Variants in SAMD12 observed in about 807,000 individuals in gnomAD.
SAMD12 encodes the protein sterile alpha motif domain containing 12.
SAMD12 carries 9 observed loss-of-function variants against 15.0 expected under a neutral mutation model. That is an observed-to-expected ratio of 0.60 (90% CI 0.36 to 1.05). SAMD12 has a LOEUF of 1.05. Ranked by LOEUF, SAMD12 falls within the 50% of genes least tolerant of loss-of-function variation. The pLI, the probability that SAMD12 is intolerant of heterozygous loss-of-function variation, is 0.01. For synonymous variants in SAMD12, 86 were observed against 90.1 expected (o/e 0.96, Z 0.25); for missense variants, 230 against 234.2 (o/e 0.98, Z 0.12).
chr8:118,571,104 T>C (rs1019056385), intron 2 of SAMD12, among the ~76,000 whole-genome samples: 1 of 152,198 alleles, frequency 6.6e-6, no homozygotes, highest in Non-Finnish European at 1.5e-5. Context: ...AACTGTATTG[T>C]ATAAATACAA....
At chr8:118,595,475 G>A (rs911547010) in intron 1 of SAMD12, among the ~76,000 whole-genome samples, 10 of 152,098 alleles carry the variant, frequency 6.6e-5, no homozygotes, top group African/African-American at 2.4e-4. Flanking sequence ...TTAAAACATT[G>A]TAAACACCAA....
At chr8:118,149,701 T>C in the SAMD12 span, among the ~76,000 whole-genome samples, 1 of 152,172 alleles carries the variant, frequency 6.6e-6, no homozygotes, top group Admixed American at 6.5e-5. Context: ...GTTTTTATAG[T>C]TTTAAGTTCT....
chr8:118,341,889 C>A (rs553228930), intron 4 of SAMD12, among the ~76,000 whole-genome samples: 1 of 152,340 alleles, frequency 6.6e-6, no homozygotes, highest in South Asian at 2.1e-4. Flanking sequence ...GCAACTAATT[C>A]AAATTTTCTG....
At chr8:118,269,223 T>G (rs1813283263) in intron 4 of SAMD12, among the ~76,000 whole-genome samples, 1 of 45,022 alleles carries the variant, frequency 2.2e-5, no homozygotes. Context: ...TCTCTCTCTG[T>G]GTGTGTGTGT....
At chr8:118,379,819 T>TA (rs1819582563) in intron 3 of SAMD12, 119 bp from the exon 4 acceptor site, 2 of 1,248,370 alleles carry the variant, frequency 1.6e-6, no homozygotes, top group South Asian at 3.1e-5. Flanking sequence ...ACAGACATTT[T>TA]AGAATAAAGG....
chr8:118,598,282 G>A (rs1215646085), intron 1 of SAMD12, among the ~76,000 whole-genome samples: 3 of 152,174 alleles, frequency 2.0e-5, no homozygotes, highest in Non-Finnish European at 2.9e-5. Flanking sequence ...TTTGGAGAGA[G>A]GGCCTTTAAA....
chr8:118,200,108 C>T (rs574422863), intron 4 of SAMD12, among the ~76,000 whole-genome samples: 4 of 152,156 alleles, frequency 2.6e-5, no homozygotes, highest in Non-Finnish European at 5.9e-5. Flanking sequence ...TGCCTGCTCC[C>T]ATGTAAGATG....
intron 3 of SAMD12, among the ~76,000 whole-genome samples, chr8:118,396,675 C>T (rs1426886894): frequency 6.6e-6 from 1 of 152,200 alleles, no homozygotes; most frequent in Non-Finnish European, 1.5e-5. Context: ...AGAGCAAAGA[C>T]AAGAACCATG....
At chr8:118,309,157 C>G (rs1214243859) in intron 4 of SAMD12, among the ~76,000 whole-genome samples, 1 of 152,164 alleles carries the variant, frequency 6.6e-6, no homozygotes, top group Non-Finnish European at 1.5e-5. Context: ...CACCCTTTCT[C>G]CTGAGTCCCC....
chr8:118,483,308 C>T (rs1824182141), intron 2 of SAMD12, among the ~76,000 whole-genome samples: 1 of 152,158 alleles, frequency 6.6e-6, no homozygotes, highest in Non-Finnish European at 1.5e-5. Flanking sequence ...CACTATTTTG[C>T]ATTAACATGT....
At chr8:118,560,287 TGAGGTG>T (rs1361568203) in intron 2 of SAMD12, among the ~76,000 whole-genome samples, 1 of 152,200 alleles carries the variant, frequency 6.6e-6, no homozygotes, top group Non-Finnish European at 1.5e-5. Context: ...AAGGAGAAGT[TGAGGTG>T]GACTCACATT....
chr8:118,321,142 TAA>T lies in SAMD12; in HGVS notation c.433+58416_433+58417del, dbSNP rs1491220430. Among the ~76,000 whole-genome samples, 41 of 71,450 alleles carry T rather than the reference TAA, an allele frequency of 5.7e-4. No individual in the cohort carries two copies. The East Asian group carries it at 0.02, about 36-fold the overall frequency. 46.9% of individuals were successfully genotyped at this position (71,450 alleles called of 152,430 possible). A position where few individuals can be genotyped will look rare whatever the true frequency, so the allele number is the denominator to read the frequency against. The stretch of plus-strand genomic sequence containing the variant: ...TATATAACATATATATCATAGATAA[TAA>T]ATATATATATATATATATATATATA... On this transcript the variant is annotated intron_variant, in intron 4 of 4. Transcript: ENST00000409003.
chr8:118,338,554 T>C (rs573455085), intron 4 of SAMD12, among the ~76,000 whole-genome samples: 4 of 152,234 alleles, frequency 2.6e-5, no homozygotes, highest in Admixed American at 2.0e-4. Context: ...GATGCTGATA[T>C]ACTTTTAGAC....
chr8:118,612,983 A>T (rs1319161289), intron 1 of SAMD12, among the ~76,000 whole-genome samples: 2 of 152,244 alleles, frequency 1.3e-5, no homozygotes, highest in African/African-American at 4.8e-5. Context: ...TACCATTTAT[A>T]TGAAATCTAG....
At chr8:118,463,616 C>T (rs1823500523) in intron 2 of SAMD12, among the ~76,000 whole-genome samples, 1 of 152,098 alleles carries the variant, frequency 6.6e-6, no homozygotes, top group South Asian at 2.1e-4. Context: ...ACAGAAATTA[C>T]AAGTACCACG....
At chr8:118,286,736 G>A (rs1229952693) in intron 4 of SAMD12, among the ~76,000 whole-genome samples, 1 of 152,204 alleles carries the variant, frequency 6.6e-6, no homozygotes, top group Non-Finnish European at 1.5e-5. Flanking sequence ...ACACCTATGT[G>A]CTAGTAGGAC....
chr8:118,290,135 A>G (rs1198767450), intron 4 of SAMD12, among the ~76,000 whole-genome samples: 1 of 152,218 alleles, frequency 6.6e-6, no homozygotes, highest in Non-Finnish European at 1.5e-5. Flanking sequence ...CACTGCACAT[A>G]AGACCAAAAA....
intron 3 of SAMD12, among the ~76,000 whole-genome samples, chr8:118,417,980 G>A (rs549746991): frequency 2.7e-4 from 41 of 152,252 alleles, no homozygotes; most frequent in African/African-American, 9.1e-4. Flanking sequence ...TGACCTGATC[G>A]AATATTCTTG....
At chr8:118,507,994 T>TA (rs1824968838) in intron 2 of SAMD12, among the ~76,000 whole-genome samples, 1 of 138,228 alleles carries the variant, frequency 7.2e-6, no homozygotes, top group Non-Finnish European at 1.5e-5. Context: ...TAATCTCCTT[T>TA]TTTTTTTTTT....
Sources: gnomAD v4.1 joint callset for allele counts (sites outside exome capture counted in the v4.1 genomes callset) on GRCh38, gnomAD v4.1.1 for gene constraint, MANE v1.5 for transcripts, NCBI Gene and HGNC (gene_info 2026-07-23, HGNC 2026-07-21) for gene names.